The following TTLL11 variants were observed in gnomAD, a reference collection of about 807,000 sequenced individuals.
TTLL11 encodes the protein tubulin polyglutamylase TTLL11.
Under a neutral mutation model 51.7 loss-of-function variants are expected in TTLL11, and 42 were observed. The observed-to-expected ratio is 0.81, with a 90% CI of 0.64 to 1.05. The LOEUF (loss-of-function observed/expected upper bound fraction) is 1.05, where lower values mean the gene tolerates loss of function less well. Among genes scored for constraint, TTLL11 ranks in the 50% least tolerant of loss-of-function variants. The pLI, the probability that TTLL11 is intolerant of heterozygous loss-of-function variation, is 0.00. For missense variants in TTLL11, 799 were observed against 940.4 expected (o/e 0.85, Z 1.97); for synonymous variants, 381 against 383.5 (o/e 0.99, Z 0.08).
rs1843053334 is a variant in TTLL11 at position 121,989,713 on chromosome 9, C to G, written c.751G>C (p.Asp251His). Reference protein sequence around the residue: ...SWKPTFIVKPDGGCQGDGIYL... With the variant: ...SWKPTFIVKPHGGCQGDGIYL... ...ATTCCATCACCCTGACAACCACCAT[C>G]AGGTTTCACGATAAAAGTGGGCTTC... The change falls in exon 4 of 9, where the codon GAT becomes CAT. Residue 251 changes from aspartate to histidine, a missense_variant. Asp to His is a moderately conservative substitution (Grantham distance 81). This residue lies in a region of TTLL11 where 468 missense variants were observed against 612.8 expected (regional missense o/e 0.76). Coordinates refer to ENST00000321582, the MANE Select transcript of TTLL11 (RefSeq NM_001139442.2). This position sits in a 1 kb window ranked among gnomAD's most constrained non-coding sequence, Gnocchi z 4.2. 6.2e-6 allele frequency: 10 copies of G among 1,612,824 alleles called. No homozygotes were observed. Among genetic ancestry groups the G allele is most frequent in the Non-Finnish European group, 8.5e-6 (10 of 1,179,006 alleles).
intron 3 of TTLL11, among the ~76,000 whole-genome samples, chr9:122,015,647 G>T (rs1843940743): frequency 6.6e-6 from 1 of 152,044 alleles, no homozygotes; most frequent in Admixed American, 6.6e-5. Flanking sequence ...CCAGGGAAAG[G>T]CTGGCTGGTG....
chr9:121,959,310 C>G (rs11999381), intron 6 of TTLL11, among the ~76,000 whole-genome samples: 11,769 of 152,146 alleles, frequency 0.077, 674 homozygotes, highest in African/African-American at 0.16. Flanking sequence ...CCGTCCCTGT[C>G]TACTCTGTGG....
intron 6 of TTLL11, among the ~76,000 whole-genome samples, chr9:121,944,910 A>G (rs1588144648): frequency 1.3e-5 from 2 of 152,370 alleles, no homozygotes; most frequent in East Asian, 3.9e-4. Context: ...GGCACCATAA[A>G]TAGTAACAGT....
At chr9:121,848,485 T>G (rs886628545) in intron 8 of TTLL11, among the ~76,000 whole-genome samples, 1 of 152,140 alleles carries the variant, frequency 6.6e-6, no homozygotes, top group Non-Finnish European at 1.5e-5. Flanking sequence ...CAGTGGATTG[T>G]CAATGTAGAA....
At chr9:121,888,818 G>A (rs1839113836) in intron 6 of TTLL11, among the ~76,000 whole-genome samples, 1 of 152,234 alleles carries the variant, frequency 6.6e-6, no homozygotes, top group Admixed American at 6.5e-5. Context: ...GCTATGGACT[G>A]GAGGTTGTGG....
At chr9:122,006,724 C>T (rs554688210) in intron 3 of TTLL11, among the ~76,000 whole-genome samples, 1 of 152,222 alleles carries the variant, frequency 6.6e-6, no homozygotes, top group East Asian at 1.9e-4. Context: ...GTGGCTCACA[C>T]CTGTAATCCC....
chr9:121,961,821 T>C (rs1463612864), intron 6 of TTLL11, among the ~76,000 whole-genome samples: 4 of 152,156 alleles, frequency 2.6e-5, no homozygotes, highest in Non-Finnish European at 5.9e-5. Context: ...TTTGGGAGGC[T>C]GAGGCGGGTG....
chr9:121,981,043 T>A (rs1842815115), intron 4 of TTLL11, among the ~76,000 whole-genome samples: 1 of 152,202 alleles, frequency 6.6e-6, no homozygotes, highest in Non-Finnish European at 1.5e-5. Context: ...TGCATGTGTG[T>A]GTATTTTACT....
intron 1 of TTLL11, among the ~76,000 whole-genome samples, chr9:122,089,423 T>C (rs1452662436): frequency 1.3e-5 from 2 of 152,218 alleles, no homozygotes; most frequent in African/African-American, 2.4e-5. Flanking sequence ...AGAAAGGTCA[T>C]GTGTTTGCAC....
chr9:121,899,400 TATAC>T (rs1398957559), intron 6 of TTLL11, among the ~76,000 whole-genome samples: 59 of 77,844 alleles, frequency 7.6e-4, no homozygotes, highest in South Asian at 1.7e-3. Flanking sequence ...TATATATATA[TATAC>T]ACACACACAC....
At chr9:121,884,459 C>T (rs764370592) in intron 6 of TTLL11, among the ~76,000 whole-genome samples, 2 of 152,138 alleles carry the variant, frequency 1.3e-5, no homozygotes, top group African/African-American at 2.4e-5. Context: ...TGACCTACCC[C>T]GTCCTGCCAA....
At chr9:121,972,690 G>A (rs1260503047) in intron 6 of TTLL11, among the ~76,000 whole-genome samples, 2 of 152,246 alleles carry the variant, frequency 1.3e-5, no homozygotes, top group African/African-American at 4.8e-5. Context: ...TGGCTGCACA[G>A]CAGAATCACC....
chr9:121,867,944 A>G (rs538877989), intron 7 of TTLL11, among the ~76,000 whole-genome samples: 1 of 152,116 alleles, frequency 6.6e-6, no homozygotes, highest in Non-Finnish European at 1.5e-5. Flanking sequence ...GTTAAACCAG[A>G]CATAATCCTT....
intron 3 of TTLL11, among the ~76,000 whole-genome samples, chr9:122,024,944 A>G (rs1446500617): frequency 6.6e-6 from 1 of 152,180 alleles, no homozygotes; most frequent in Non-Finnish European, 1.5e-5. Context: ...AAAATTAAAA[A>G]CTTGCTTTTC....
At chr9:121,976,064 G>C in intron 4 of TTLL11, among the ~76,000 whole-genome samples, 1 of 152,108 alleles carries the variant, frequency 6.6e-6, no homozygotes, top group Non-Finnish European at 1.5e-5. Context: ...ACCCAAGCAG[G>C]ACTGACTACA....
chr9:122,045,845 C>T (rs1176385711), intron 1 of TTLL11, among the ~76,000 whole-genome samples: 3 of 152,124 alleles, frequency 2.0e-5, no homozygotes, highest in African/African-American at 7.2e-5. Context: ...CTAGAGTAGT[C>T]AAATTCATAG....
At chr9:121,904,152 TC>T (rs1472988294) in intron 6 of TTLL11, among the ~76,000 whole-genome samples, 13 of 152,226 alleles carry the variant, frequency 8.5e-5, no homozygotes, top group African/African-American at 2.9e-4. Context: ...CCAAGGGACA[TC>T]TGCAACTGTG....
chr9:121,854,625 G>T (rs1223112749), intron 8 of TTLL11, among the ~76,000 whole-genome samples: 1 of 152,200 alleles, frequency 6.6e-6, no homozygotes, highest in African/African-American at 2.4e-5. Context: ...GTCTCTCACA[G>T]CTGACACCAT....
chr9:122,037,830 T>C (rs1844744719), intron 2 of TTLL11, among the ~76,000 whole-genome samples: 1 of 152,194 alleles, frequency 6.6e-6, no homozygotes, highest in Non-Finnish European at 1.5e-5. Flanking sequence ...TAAGTGAATC[T>C]GAGCTAAGTG....
Sources: allele counts gnomAD v4.1 joint callset (sites outside exome capture counted in the v4.1 genomes callset), GRCh38; gene constraint gnomAD v4.1.1; regional missense constraint gnomAD v4.1.1; non-coding constraint Gnocchi (gnomAD v3.1); transcripts MANE v1.5; gene names NCBI Gene and HGNC (gene_info 2026-07-23, HGNC 2026-07-21).